Variants in CHST8 observed in about 807,000 individuals in gnomAD.
The protein encoded by CHST8 is GALNAC-4-ST1.
A neutral mutation model predicts 15.0 loss-of-function variants in CHST8; 10 were observed. The observed-to-expected ratio is 0.67, with a 90% confidence interval of 0.41 to 1.13. CHST8 has a LOEUF of 1.13. CHST8 is among the 50% of genes most tolerant of loss of function. The probability of loss-of-function intolerance (pLI) is 0.00; values close to 1 mark genes in which losing one functional copy is unlikely to be tolerated. For synonymous variants in CHST8, 259 were observed against 256.6 expected, an observed-to-expected ratio of 1.01 and a Z score of -0.09; for missense variants, 634 against 608.2, an observed-to-expected ratio of 1.04 and a Z score of -0.45.
At chr19:33,706,211 G>T (rs1973442843) in intron 3 of CHST8, among the ~76,000 whole-genome samples, 1 of 152,190 alleles carries the variant, frequency 6.6e-6, no homozygotes, top group Admixed American at 6.5e-5. Context: ...GGCCAGCCTG[G>T]GTTAGAGGTT....
chr19:33,702,838 G>A (rs1973368881), intron 3 of CHST8, among the ~76,000 whole-genome samples: 1 of 152,262 alleles, frequency 6.6e-6, no homozygotes, highest in Admixed American at 6.5e-5. Flanking sequence ...GGAAGCGGAG[G>A]TCACAATCTG....
chr19:33,686,862 T>C (rs1972989444), intron 2 of CHST8, among the ~76,000 whole-genome samples: 1 of 152,222 alleles, frequency 6.6e-6, no homozygotes, highest in Non-Finnish European at 1.5e-5. Context: ...TGTATGCATA[T>C]GTGTGTTATT....
At chr19:33,768,463 T>C (rs1381841089) in intron 3 of CHST8, among the ~76,000 whole-genome samples, 1 of 152,040 alleles carries the variant, frequency 6.6e-6, no homozygotes, top group Non-Finnish European at 1.5e-5. Flanking sequence ...TTTTATTTTA[T>C]TTTTTTGAGA....
At chr19:33,650,495 CTTTTTCTTTTTCTTTTTCTTTTCTTT>C (rs1972424614) in intron 1 of CHST8, among the ~76,000 whole-genome samples, 4 of 44,120 alleles carry the variant, frequency 9.1e-5, no homozygotes, top group African/African-American at 3.7e-4. Flanking sequence ...TTTTTCTTTT[CTTTTTCTTTTTCTTTTTCTTTTCTTT>C]TTTTTTTTTT....
chr19:33,687,584 C>T (rs1183270449), intron 2 of CHST8, among the ~76,000 whole-genome samples: 1 of 152,142 alleles, frequency 6.6e-6, no homozygotes, highest in Non-Finnish European at 1.5e-5. Context: ...GATAGCCCAG[C>T]GTCAGGTGCC....
rs569001312 is a variant in CHST8 at position 33,751,578 on chromosome 19, C to T, written c.131-19835C>T. ...GGACACTGGCTTAATGATAGTGAGA[C>T]GTTCTGTGAACCCCCCAGCCTCCTG... is the stretch of plus-strand genomic sequence containing the variant. On this transcript the variant is annotated intron_variant, in intron 3 of 4. Coordinates refer to ENST00000650847, the MANE Select transcript of CHST8 (RefSeq NM_001127895.2). 1.5e-4 allele frequency among the ~76,000 whole-genome samples: 23 copies of T among 152,260 alleles called. No individual in the cohort carries two copies. In the East Asian group the frequency reaches 2.3e-3, roughly 15 times the overall value.
chr19:33,760,757 G>A (rs915132045), intron 3 of CHST8, among the ~76,000 whole-genome samples: 1 of 152,084 alleles, frequency 6.6e-6, no homozygotes, highest in Non-Finnish European at 1.5e-5. Context: ...ACGATCTTCA[G>A]GAGCTGTCAC....
At chr19:33,738,582 C>G (rs1974126061) in intron 3 of CHST8, among the ~76,000 whole-genome samples, 2 of 151,838 alleles carry the variant, frequency 1.3e-5, no homozygotes, top group Non-Finnish European at 2.9e-5. Context: ...AGAGAGAGTG[C>G]AAGTTTTTTC....
At chr19:33,756,551 G>A (rs1481266987) in intron 3 of CHST8, among the ~76,000 whole-genome samples, 1 of 152,158 alleles carries the variant, frequency 6.6e-6, no homozygotes, top group Non-Finnish European at 1.5e-5. Flanking sequence ...GGTCCTGGCA[G>A]CATGCTATGG....
chr19:33,704,359 T>C (rs1470833379), intron 3 of CHST8, among the ~76,000 whole-genome samples: 3 of 151,988 alleles, frequency 2.0e-5, no homozygotes, highest in African/African-American at 7.3e-5. Flanking sequence ...TGGGTCTGCA[T>C]TGGAGGGAGG....
chr19:33,705,802 G>A (rs1000778282), intron 3 of CHST8, among the ~76,000 whole-genome samples: 4 of 152,102 alleles, frequency 2.6e-5, no homozygotes, highest in Admixed American at 6.5e-5. Flanking sequence ...CTGCAGATTC[G>A]CCTTCCCTGC....
intron 3 of CHST8, among the ~76,000 whole-genome samples, chr19:33,718,007 A>T (rs1973694475): frequency 6.6e-6 from 1 of 151,948 alleles, no homozygotes; most frequent in East Asian, 1.9e-4. Context: ...CTGGCAGAAG[A>T]CCCCCAGTGT....
At chr19:33,729,755 T>C (rs948152016) in intron 3 of CHST8, among the ~76,000 whole-genome samples, 6 of 152,140 alleles carry the variant, frequency 3.9e-5, no homozygotes, top group Non-Finnish European at 7.4e-5. Context: ...CAAATCCAGC[T>C]CCCCAAGGAG....
chr19:33,743,536 C>G (rs894939993), intron 3 of CHST8, among the ~76,000 whole-genome samples: 1 of 151,944 alleles, frequency 6.6e-6, no homozygotes, highest in Non-Finnish European at 1.5e-5. Context: ...CTCCTGACCT[C>G]GTGATCTGCC....
intron 1 of CHST8, among the ~76,000 whole-genome samples, chr19:33,635,145 T>C (rs1434295188): frequency 6.6e-6 from 1 of 152,152 alleles, no homozygotes; most frequent in African/African-American, 2.4e-5. Flanking sequence ...CCCCTGAGCT[T>C]TTCCAACACC....
intron 1 of CHST8, among the ~76,000 whole-genome samples, chr19:33,656,783 C>G (rs540972036): frequency 3.9e-5 from 6 of 152,264 alleles, no homozygotes; most frequent in African/African-American, 1.2e-4. Flanking sequence ...AAGTGACCCT[C>G]CTGCCTTGAC....
intron 3 of CHST8, among the ~76,000 whole-genome samples, chr19:33,725,072 G>A (rs982741763): frequency 5.3e-5 from 8 of 152,094 alleles, no homozygotes; most frequent in Non-Finnish European, 1.0e-4. Context: ...CATATGTATC[G>A]GGGGGCGCTG....
At chr19:33,697,375 AC>A (rs1355595995) in intron 3 of CHST8, among the ~76,000 whole-genome samples, 1 of 149,196 alleles carries the variant, frequency 6.7e-6, no homozygotes, top group African/African-American at 2.5e-5. Context: ...GACCACAGGC[AC>A]CCCCCTCTTC....
At chr19:33,679,677 G>C (rs1399130349) in intron 2 of CHST8, among the ~76,000 whole-genome samples, 1 of 152,250 alleles carries the variant, frequency 6.6e-6, no homozygotes, top group Non-Finnish European at 1.5e-5. Flanking sequence ...GGGGTGGAGA[G>C]AGAGAGGATT....
Sources: allele counts gnomAD v4.1 joint callset (sites outside exome capture counted in the v4.1 genomes callset), GRCh38; gene constraint gnomAD v4.1.1; transcripts MANE v1.5; gene names NCBI Gene and HGNC (gene_info 2026-07-23, HGNC 2026-07-21).